DCAF10: variants seen among roughly 807,000 people sequenced by gnomAD.
DCAF10 encodes the protein DDB1- and CUL4-associated factor 10.
Under a neutral mutation model 51.9 loss-of-function variants are expected in DCAF10, and 19 were observed. The ratio of observed to expected loss-of-function variants is 0.37; its 90% CI spans 0.26 to 0.54. The LOEUF (loss-of-function observed/expected upper bound fraction) is 0.54, where lower values mean the gene tolerates loss of function less well. Ranked by LOEUF, DCAF10 falls within the 20% of genes least tolerant of loss-of-function variation. DCAF10 has a pLI of 0.87. For missense variants in DCAF10, 510 were observed against 730.6 expected, an observed-to-expected ratio of 0.70 and a Z score of 3.48; for synonymous variants, 291 against 297.1, an observed-to-expected ratio of 0.98 and a Z score of 0.21.
intron 1 of DCAF10, among the ~76,000 whole-genome samples, chr9:37,814,704 G>T (rs140641001): frequency 0.017 from 2,555 of 152,262 alleles, 44 homozygotes; most frequent in South Asian, 0.038. Flanking sequence ...ATTAGTAAAA[G>T]ATTAGAAAGT....
chr9:37,857,447 C>A, intron 5 of DCAF10, 96 bp downstream of exon 5: 1 of 912,478 alleles, frequency 1.1e-6, no homozygotes, highest in South Asian at 2.2e-5. Flanking sequence ...GGTTTTAATC[C>A]ATAAAAATAA....
chr9:37,840,555 C>T (rs534655896), intron 2 of DCAF10, among the ~76,000 whole-genome samples: 1 of 152,106 alleles, frequency 6.6e-6, no homozygotes, highest in South Asian at 2.1e-4. Flanking sequence ...TACAGTTGTA[C>T]AATGTGTTTG....
In DCAF10 at chr9:37,808,065, T is replaced by C. The variant is rs372766005; in HGVS notation, c.539+6660T>C. On this transcript the variant is annotated intron_variant, in intron 1 of 6. Transcript: ENST00000377724. ...GGAACAGTTATAAAATTTTCACATA[T>C]GAGACCACAAGTTTCAAAAGATTGG... Among the ~76,000 whole-genome samples the C allele has an allele frequency of 1.2e-3, 185 of 152,296 alleles. 1 individual carries two copies. The South Asian group carries it at 0.014, about 12-fold the overall frequency.
intron 1 of DCAF10, among the ~76,000 whole-genome samples, chr9:37,811,072 T>G (rs986576025): frequency 6.6e-6 from 1 of 152,078 alleles, no homozygotes; most frequent in Non-Finnish European, 1.5e-5. Flanking sequence ...GCTTACACCT[T>G]TAATCCAAGT....
intron 2 of DCAF10, among the ~76,000 whole-genome samples, chr9:37,833,069 T>A (rs115101987): frequency 2.0e-3 from 303 of 152,264 alleles, no homozygotes; most frequent in African/African-American, 6.8e-3. Flanking sequence ...TTTCTCTATG[T>A]TGCCGGGGCT....
intron 5 of DCAF10, among the ~76,000 whole-genome samples, chr9:37,858,186 T>G (rs1338056504): frequency 6.6e-6 from 1 of 152,210 alleles, no homozygotes; most frequent in Non-Finnish European, 1.5e-5. Flanking sequence ...TGGCTACTTA[T>G]GTCAGTAGAA....
Position 37,810,459 on chromosome 9 carries a change from C to CT in DCAF10, c.540-8826dup, listed in dbSNP as rs542709204. ...CTGAATGGTATTTCTTTCTTTCTTT[C>CT]TTTCTTTTTTTTTTTGAGACAGAGT... On this transcript the variant is annotated intron_variant, in intron 1 of 6. Coordinates refer to ENST00000377724, the MANE Select transcript of DCAF10 (RefSeq NM_024345.5). 8.5e-3 allele frequency among the ~76,000 whole-genome samples: 1,273 copies of CT among 149,414 alleles called. 15 individuals carry two copies. The highest frequency in any genetic ancestry group is 0.029 in the African/African-American group (1,199 of 40,766).
chr9:37,854,292 T>G (rs1360478999), intron 3 of DCAF10, among the ~76,000 whole-genome samples: 5 of 152,092 alleles, frequency 3.3e-5, no homozygotes, highest in African/African-American at 1.2e-4. Context: ...TAAATTTTTG[T>G]AGAGATGGGG....
At chr9:37,824,884 A>G (rs1829807902) in intron 2 of DCAF10, among the ~76,000 whole-genome samples, 1 of 152,178 alleles carries the variant, frequency 6.6e-6, no homozygotes, top group Non-Finnish European at 1.5e-5. Flanking sequence ...AGAAGATATA[A>G]TAATTATGAA....
intron 1 of DCAF10, among the ~76,000 whole-genome samples, chr9:37,811,920 C>T (rs952660820): frequency 1.3e-5 from 2 of 152,128 alleles, no homozygotes; most frequent in Non-Finnish European, 2.9e-5. Flanking sequence ...GGCATGGTGG[C>T]GCACCCCTGT....
chr9:37,864,574 ACT>A lies in DCAF10; in HGVS notation c.*3069_*3070del, dbSNP rs1377499256. On this transcript the variant is annotated 3_prime_UTR_variant, in exon 7 of 7. Coordinates refer to ENST00000377724, the MANE Select transcript of DCAF10 (RefSeq NM_024345.5). ...ACTCTAGCCTGACCAGCAGAGCGAG[ACT>A]CTGCCTCAAAAAAAAAAAAAAAAAT... 6.8e-6 allele frequency: 1 copy of A among 146,562 alleles called. No homozygotes were observed. Among genetic ancestry groups the A allele is most frequent in the African/African-American group, 2.6e-5 (1 of 38,656 alleles). 9.1% of individuals were successfully genotyped at this position (146,562 alleles called of 1,614,324 possible).
intron 2 of DCAF10, among the ~76,000 whole-genome samples, chr9:37,824,793 A>C (rs1829806025): frequency 6.6e-6 from 1 of 152,166 alleles, no homozygotes; most frequent in African/African-American, 2.4e-5. Context: ...AGAAATTATC[A>C]ATATCAGACA....
At chr9:37,840,055 G>C (rs1830286983) in intron 2 of DCAF10, among the ~76,000 whole-genome samples, 1 of 152,064 alleles carries the variant, frequency 6.6e-6, no homozygotes, top group Admixed American at 6.6e-5. Flanking sequence ...TCAGAGAATT[G>C]GTAGGTCTAC....
upstream of DCAF10, chr9:37,800,570 G>A (rs550745488): frequency 6.5e-6 from 10 of 1,535,900 alleles, no homozygotes; most frequent in East Asian, 7.3e-5. Flanking sequence ...CCCCAGGCAC[G>A]CGGCCACCGG....
intron 1 of DCAF10, among the ~76,000 whole-genome samples, chr9:37,811,442 C>A (rs555413666): frequency 7.9e-5 from 12 of 152,024 alleles, no homozygotes; most frequent in Admixed American, 2.0e-4. Context: ...GTCTGAAAAA[C>A]CAAGAAAATC....
chr9:37,801,093 C>T lies in DCAF10; in HGVS notation c.227C>T (p.Ala76Val), dbSNP rs1417866041. 4 of 1,534,384 alleles carry T rather than the reference C, an allele frequency of 2.6e-6. No individual in the cohort carries two copies. The highest frequency in any genetic ancestry group is 3.5e-6 in the Non-Finnish European group (4 of 1,146,144). Residue 76 changes from alanine (A) to valine (V), a missense_variant, in exon 1 of 7, where the codon GCT (alanine) becomes GTT (valine). Physicochemically the swap from Ala to Val is moderately conservative, Grantham distance 64. This residue lies in a region of DCAF10 where 251 missense variants were observed against 227.9 expected (regional missense o/e 1.10). Transcript: ENST00000377724. The surrounding 1 kb of genome is among the most constrained non-coding windows in gnomAD (Gnocchi z 5.5). ...TCCGGAGAGCTAGGGCTGCCTGGAG[C>T]TCCGGAGTCCTCAACTGCCTCCGCC... ...PRSGELGLPG[A>V]PESSTASAPG...
chr9:37,808,333 C>T (rs1043518534), intron 1 of DCAF10, among the ~76,000 whole-genome samples: 5 of 150,468 alleles, frequency 3.3e-5, no homozygotes, highest in East Asian at 1.9e-4. Flanking sequence ...ACTTGAACCC[C>T]GGAAGCAGAG....
chr9:37,840,355 C>T lies in DCAF10; in HGVS notation c.654-1734C>T, dbSNP rs570130956. Among the ~76,000 whole-genome samples the T allele has an allele frequency of 6.6e-5, 10 of 152,242 alleles. No homozygotes were observed. The East Asian group carries it at 1.9e-3, about 29-fold the overall frequency. On this transcript the variant is annotated intron_variant, in intron 2 of 6. Transcript: ENST00000377724. ...TTATCAGGAGATGACAGCTCTGTTC[C>T]TGTTATTGCCCCTGGAGGCCTTCCA...
At chr9:37,838,104 A>T (rs1196789365) in intron 2 of DCAF10, among the ~76,000 whole-genome samples, 1 of 152,220 alleles carries the variant, frequency 6.6e-6, no homozygotes, top group Non-Finnish European at 1.5e-5. Flanking sequence ...AAATATATGC[A>T]ATGCACAGTG....
Sources: allele counts gnomAD v4.1 joint callset (sites outside exome capture counted in the v4.1 genomes callset), GRCh38; gene constraint gnomAD v4.1.1; regional missense constraint gnomAD v4.1.1; non-coding constraint Gnocchi (gnomAD v3.1); transcripts MANE v1.5; gene names NCBI Gene and HGNC (gene_info 2026-07-23, HGNC 2026-07-21).